The following ADGRL2 variants were observed in gnomAD, a reference collection of about 807,000 sequenced individuals.
ADGRL2 encodes calcium-independent alpha-latrotoxin receptor 2.
A neutral mutation model predicts 157.4 loss-of-function variants in ADGRL2; 44 were observed. The observed-to-expected ratio is 0.28, with a 90% CI of 0.22 to 0.36. The LOEUF (loss-of-function observed/expected upper bound fraction) is 0.36. Ranked by LOEUF, ADGRL2 falls within the 10% of genes least tolerant of loss-of-function variation. The probability of loss-of-function intolerance (pLI) is 1.00; values close to 1 mark genes in which losing one functional copy is unlikely to be tolerated. For synonymous variants in ADGRL2, 585 were observed against 624.7 expected, an observed-to-expected ratio of 0.94 and a Z score of 0.95; for missense variants, 1,510 against 1,768.9, an observed-to-expected ratio of 0.85 and a Z score of 2.63.
intron 2 of ADGRL2, among the ~76,000 whole-genome samples, chr1:81,776,586 A>C (rs888260934): frequency 1.3e-5 from 2 of 152,254 alleles, no homozygotes; most frequent in African/African-American, 4.8e-5. Flanking sequence ...GTACCCAAGT[A>C]CAACCACTCT....
intron 3 of ADGRL2, among the ~76,000 whole-genome samples, chr1:81,678,880 T>C (rs545848141): frequency 1.3e-5 from 2 of 152,290 alleles, no homozygotes; most frequent in South Asian, 4.1e-4. Context: ...TAACTGCAGT[T>C]AGTGCCTAGC....
intron 1 of ADGRL2, among the ~76,000 whole-genome samples, chr1:81,361,721 A>G (rs1287115398): frequency 6.6e-6 from 1 of 151,978 alleles, no homozygotes; most frequent in African/African-American, 2.4e-5. Context: ...TTAAAGTACA[A>G]AAGGGATAAA....
intron 4 of ADGRL2, among the ~76,000 whole-genome samples, chr1:81,941,811 T>TA (rs1648096460): frequency 6.6e-6 from 1 of 151,852 alleles, no homozygotes; most frequent in South Asian, 2.1e-4. Flanking sequence ...CTTAATCTCC[T>TA]AAAATGATTG....
intron 2 of ADGRL2, chr1:81,514,656 T>C (rs1335389955): frequency 6.6e-6 from 1 of 152,246 alleles, no homozygotes; most frequent in African/African-American, 2.4e-5. Context: ...TGTGTTGCAA[T>C]TGACATTTGA....
intron 1 of ADGRL2, among the ~76,000 whole-genome samples, chr1:81,377,064 G>T (rs201410226): frequency 6.6e-5 from 10 of 152,006 alleles, no homozygotes; most frequent in Non-Finnish European, 1.0e-4. Context: ...ATGGTGGCAC[G>T]CACCTGTATA....
chr1:81,913,380 G>A (rs2094778502), intron 3 of ADGRL2, among the ~76,000 whole-genome samples: 1 of 152,196 alleles, frequency 6.6e-6, no homozygotes, highest in Admixed American at 6.5e-5. Context: ...AGTGAGACTG[G>A]AAAATTGAGT....
At chr1:81,803,439 C>A (rs1009133989) in intron 1 of ADGRL2, among the ~76,000 whole-genome samples, 3 of 151,954 alleles carry the variant, frequency 2.0e-5, no homozygotes, top group Non-Finnish European at 4.4e-5. Flanking sequence ...TTTTTTCCCC[C>A]CCTCCAATCC....
intron 1 of ADGRL2, among the ~76,000 whole-genome samples, chr1:81,720,505 T>A (rs76442620): frequency 9.8e-4 from 149 of 152,078 alleles, no homozygotes; most frequent in African/African-American, 3.2e-3. Context: ...ACAAGTGAGG[T>A]CTGTATATTT....
chr1:81,426,590 A>T (rs897319444), intron 1 of ADGRL2: 2 of 473,396 alleles, frequency 4.2e-6, no homozygotes, highest in Non-Finnish European at 8.4e-6. Flanking sequence ...TGAGCTTTGA[A>T]ACGACAGATG....
At chr1:81,761,547 T>C (rs1235633112) in intron 1 of ADGRL2, among the ~76,000 whole-genome samples, 1 of 152,010 alleles carries the variant, frequency 6.6e-6, no homozygotes, top group Non-Finnish European at 1.5e-5. Flanking sequence ...TTGACAATGT[T>C]CTCCTAATTC....
chr1:81,558,254 C>T (rs1447325314), intron 2 of ADGRL2, among the ~76,000 whole-genome samples: 2 of 152,032 alleles, frequency 1.3e-5, no homozygotes, highest in African/African-American at 4.8e-5. Context: ...ACAGTATGGA[C>T]ATAGGTTTTT....
At chr1:81,602,732 C>G (rs962698740) in intron 3 of ADGRL2, among the ~76,000 whole-genome samples, 2 of 151,946 alleles carry the variant, frequency 1.3e-5, no homozygotes, top group Non-Finnish European at 2.9e-5. Flanking sequence ...AACCCTATCC[C>G]TACTAAGAAT....
intron 3 of ADGRL2, among the ~76,000 whole-genome samples, chr1:81,927,072 ATACTTTG>A: frequency 6.6e-6 from 1 of 152,152 alleles, no homozygotes; most frequent in Admixed American, 6.6e-5. Context: ...TAAAGTATGC[ATACTTTG>A]TGTTTATAAA....
At chr1:81,501,810 A>AGC (rs56663109) in intron 2 of ADGRL2, 215,222 of 1,595,042 alleles carry the variant, frequency 0.13, 14,134 homozygotes, top group African/African-American at 0.17. Context: ...CAGCAGCAGC[A>AGC]ACAGCAGCAG....
intron 1 of ADGRL2, among the ~76,000 whole-genome samples, chr1:81,823,344 C>T (rs933567946): frequency 1.4e-5 from 2 of 146,716 alleles, no homozygotes; most frequent in African/African-American, 2.5e-5. Context: ...TCCTTCTTCC[C>T]TCCCTCCTTC....
chr1:81,355,417 G>C (rs544793144), intron 1 of ADGRL2, among the ~76,000 whole-genome samples: 13 of 152,156 alleles, frequency 8.5e-5, no homozygotes, highest in Admixed American at 1.3e-4. Flanking sequence ...AGAGTTTCAA[G>C]TATTTCCATA....
At chr1:81,894,666 TA>T (rs1011260075) in intron 2 of ADGRL2, among the ~76,000 whole-genome samples, 9 of 151,012 alleles carry the variant, frequency 6.0e-5, no homozygotes, top group South Asian at 2.1e-4. Flanking sequence ...GAGTAGAAAT[TA>T]AAAAAAAACT....
At chr1:81,780,774 T>G (rs1426087359) in intron 2 of ADGRL2, among the ~76,000 whole-genome samples, 1 of 152,214 alleles carries the variant, frequency 6.6e-6, no homozygotes, top group Non-Finnish European at 1.5e-5. Context: ...TTCCTTCTCA[T>G]TTAAGTGATA....
intron 1 of ADGRL2, among the ~76,000 whole-genome samples, chr1:81,822,560 T>C (rs1258384779): frequency 6.6e-6 from 1 of 152,108 alleles, no homozygotes; most frequent in Non-Finnish European, 1.5e-5. Flanking sequence ...TCATCTAGGC[T>C]ATAGTGCAGT....
Sources: allele counts gnomAD v4.1 joint callset (sites outside exome capture counted in the v4.1 genomes callset), GRCh38; gene constraint gnomAD v4.1.1; transcripts MANE v1.5; gene names NCBI Gene and HGNC (gene_info 2026-07-23, HGNC 2026-07-21).